HIKESHI: variants seen among roughly 807,000 people sequenced by gnomAD.
HIKESHI encodes heat shock protein nuclear import factor hikeshi.
In HIKESHI, 13 loss-of-function variants were observed where a neutral mutation model predicts 25.7. The observed-to-expected ratio is 0.51, with a 90% CI of 0.33 to 0.80. The LOEUF (loss-of-function observed/expected upper bound fraction) is 0.80, where lower values mean the gene tolerates loss of function less well. HIKESHI is among the 30% of genes least tolerant of loss of function. The probability of loss-of-function intolerance (pLI) is 0.02; values close to 1 mark genes in which losing one functional copy is unlikely to be tolerated. For synonymous variants in HIKESHI, 76 were observed against 78.7 expected (o/e 0.97, Z 0.18); for missense variants, 174 against 229.5 (o/e 0.76, Z 1.56).
chr11:86,308,743 C>T (rs1199541306), intron 2 of HIKESHI, among the ~76,000 whole-genome samples: 5 of 151,828 alleles, frequency 3.3e-5, no homozygotes, highest in African/African-American at 7.3e-5. Flanking sequence ...CAACAGGCCC[C>T]GGTGTGTGAT....
At chr11:86,324,562 T>TA (rs1409032191) in intron 2 of HIKESHI, among the ~76,000 whole-genome samples, 3 of 152,244 alleles carry the variant, frequency 2.0e-5, no homozygotes, top group Non-Finnish European at 4.4e-5. Context: ...TTTGAATGTT[T>TA]AAACTGTCAG....
intron 2 of HIKESHI, among the ~76,000 whole-genome samples, chr11:86,311,243 T>G (rs1946826203): frequency 6.6e-6 from 1 of 152,178 alleles, no homozygotes; most frequent in Non-Finnish European, 1.5e-5. Context: ...TCAGAGCCTG[T>G]TATTGGTCTA....
At chr11:86,307,545 CA>C (rs1287922939) in intron 2 of HIKESHI, among the ~76,000 whole-genome samples, 25 of 115,948 alleles carry the variant, frequency 2.2e-4, no homozygotes, top group Non-Finnish European at 3.3e-4. Flanking sequence ...CATTATATAT[CA>C]AATATATTAT....
At chr11:86,332,391 A>T (rs1052627561) in intron 2 of HIKESHI, among the ~76,000 whole-genome samples, 18 of 152,180 alleles carry the variant, frequency 1.2e-4, no homozygotes, top group African/African-American at 4.3e-4. Context: ...TTGGTACTTC[A>T]TGAGTTTTAT....
chr11:86,321,940 C>T (rs2138353363), intron 2 of HIKESHI, among the ~76,000 whole-genome samples: 1 of 152,156 alleles, frequency 6.6e-6, no homozygotes, highest in East Asian at 1.9e-4. Flanking sequence ...GTAGTATTCC[C>T]TTGTCGTTTT....
chr11:86,327,823 A>T (rs1357881051), intron 2 of HIKESHI, among the ~76,000 whole-genome samples: 1 of 152,208 alleles, frequency 6.6e-6, no homozygotes, highest in Non-Finnish European at 1.5e-5. Context: ...ATATTCTTAT[A>T]CATATCTTTG....
At chr11:86,333,138 CATATAAGCAAAATTACCTA>C (rs1235139619) in intron 2 of HIKESHI, among the ~76,000 whole-genome samples, 1 of 152,146 alleles carries the variant, frequency 6.6e-6, no homozygotes, top group Non-Finnish European at 1.5e-5. Flanking sequence ...TAAAGTGGAT[CATATAAGCAAAATTACCTA>C]CTATGAATCT....
chr11:86,325,317 TAC>T (rs1420288140), intron 2 of HIKESHI, among the ~76,000 whole-genome samples: 13 of 152,190 alleles, frequency 8.5e-5, no homozygotes, highest in Admixed American at 8.5e-4. Flanking sequence ...TTGGGAGAAC[TAC>T]ATGTACTTGT....
chr11:86,306,082 T>G (rs1451473966), intron 1 of HIKESHI, among the ~76,000 whole-genome samples, 163 bp from the exon 2 acceptor site: 2 of 152,198 alleles, frequency 1.3e-5, no homozygotes, highest in Non-Finnish European at 1.5e-5. Flanking sequence ...TAGTAGATTA[T>G]GATTGTAAAA....
intron 2 of HIKESHI, among the ~76,000 whole-genome samples, chr11:86,315,892 G>A (rs779907359): frequency 6.6e-6 from 1 of 152,064 alleles, no homozygotes; most frequent in Non-Finnish European, 1.5e-5. Context: ...TAAGACAGGA[G>A]GGGTGGTATC....
At chr11:86,321,948 T>A (rs1486807384) in intron 2 of HIKESHI, among the ~76,000 whole-genome samples, 1 of 151,700 alleles carries the variant, frequency 6.6e-6, no homozygotes, top group Non-Finnish European at 1.5e-5. Context: ...CCCTTGTCGT[T>A]TTAATTTGCA....
chr11:86,308,726 C>T (rs1387456673), intron 2 of HIKESHI, among the ~76,000 whole-genome samples: 1 of 152,084 alleles, frequency 6.6e-6, no homozygotes, highest in East Asian at 1.9e-4. Flanking sequence ...CCACTCCCCA[C>T]ACCCCACAAC....
At chr11:86,318,305 A>G (rs1222696753) in intron 2 of HIKESHI, among the ~76,000 whole-genome samples, 1 of 145,326 alleles carries the variant, frequency 6.9e-6, no homozygotes, top group Non-Finnish European at 1.5e-5. Context: ...CTCCGTCTCA[A>G]AAAAAAAAAA....
chr11:86,344,575 A>G, intron 3 of HIKESHI, 28 bp from the exon 4 acceptor site: 1 of 1,275,670 alleles, frequency 7.8e-7, no homozygotes, highest in Non-Finnish European at 1.1e-6. Flanking sequence ...ATTCAGTATA[A>G]TCCATTAATC....
chr11:86,317,044 G>A lies in HIKESHI; in HGVS notation c.268+10562G>A, dbSNP rs192545998. On this transcript the variant is annotated intron_variant, in intron 2 of 4. Coordinates refer to ENST00000278483, the MANE Select transcript of HIKESHI (RefSeq NM_016401.4). Reference sequence around the variant, plus strand: ...CCTGACCTTGTGATCCACCCGTCTTGGCCTCCCAAAGTGCTGGGATTACAG... The same window carrying A: ...CCTGACCTTGTGATCCACCCGTCTTAGCCTCCCAAAGTGCTGGGATTACAG... Among the ~76,000 whole-genome samples the A allele has an allele frequency of 2.9e-3, 434 of 151,908 alleles. 3 individuals carry two copies. The highest frequency in any genetic ancestry group is 0.01 in the African/African-American group (415 of 41,424).
At chr11:86,336,572 G>C (rs1050480923) in intron 2 of HIKESHI, among the ~76,000 whole-genome samples, 1 of 152,062 alleles carries the variant, frequency 6.6e-6, no homozygotes, top group Non-Finnish European at 1.5e-5. Flanking sequence ...CCTTGATCTT[G>C]GACTTCCCAA....
At chr11:86,332,280 A>G (rs1947447525) in intron 2 of HIKESHI, among the ~76,000 whole-genome samples, 1 of 151,888 alleles carries the variant, frequency 6.6e-6, no homozygotes, top group South Asian at 2.1e-4. Context: ...TGTTTTCTTT[A>G]GTCCTCATCT....
chr11:86,328,400 A>G (rs1947337632), intron 2 of HIKESHI, among the ~76,000 whole-genome samples: 1 of 150,566 alleles, frequency 6.6e-6, no homozygotes, highest in South Asian at 2.1e-4. Flanking sequence ...CTGGGACTAC[A>G]GGCACTCACC....
chr11:86,328,663 T>C (rs1464324825), intron 2 of HIKESHI, among the ~76,000 whole-genome samples: 2 of 152,008 alleles, frequency 1.3e-5, no homozygotes, highest in African/African-American at 4.8e-5. Flanking sequence ...AGGCTGGTCT[T>C]GAACTCCTGA....
Sources: gnomAD v4.1 joint callset for allele counts (sites outside exome capture counted in the v4.1 genomes callset) on GRCh38, gnomAD v4.1.1 for gene constraint, MANE v1.5 for transcripts, NCBI Gene and HGNC (gene_info 2026-07-23, HGNC 2026-07-21) for gene names.